ALX1: variants seen among roughly 807,000 people sequenced by gnomAD.
ALX1 encodes the protein ALX homeobox 1.
In ALX1, 19 loss-of-function variants were observed where a neutral mutation model predicts 31.7. The ratio of observed to expected loss-of-function variants is 0.60; its 90% confidence interval spans 0.42 to 0.88. The LOEUF (loss-of-function observed/expected upper bound fraction) is 0.88. ALX1 is among the 40% of genes least tolerant of loss of function. The pLI is 0.00. For missense variants in ALX1, 415 were observed against 407.8 expected, an observed-to-expected ratio of 1.02 and a Z score of -0.15; for synonymous variants, 153 against 148.8, an observed-to-expected ratio of 1.03 and a Z score of -0.20.
chr12:85,291,696 T>C (rs1478274623), intron 3 of ALX1, among the ~76,000 whole-genome samples: 8 of 151,012 alleles, frequency 5.3e-5, no homozygotes, highest in Non-Finnish European at 1.2e-4. Context: ...AAAATGGAAG[T>C]ATTGTTGGTG....
chr12:85,291,319 T>A (rs1198720503), intron 3 of ALX1, among the ~76,000 whole-genome samples: 1 of 151,046 alleles, frequency 6.6e-6, no homozygotes, highest in Non-Finnish European at 1.5e-5. Context: ...GTAGAAAGAC[T>A]AAAAACTGGG....
intron 3 of ALX1, among the ~76,000 whole-genome samples, chr12:85,291,603 G>A (rs1195176308): frequency 2.0e-5 from 3 of 151,118 alleles, no homozygotes; most frequent in Admixed American, 6.6e-5. Context: ...TCTTAGGTTT[G>A]GATTACATGA....
chr12:85,301,101 G>A (rs1298863999), intron 3 of ALX1, 54 bp from the exon 4 acceptor site: 10 of 1,598,450 alleles, frequency 6.3e-6, no homozygotes, highest in Non-Finnish European at 7.7e-6. Context: ...ACAAAAGTAA[G>A]AGAACAAAAG....
chr12:85,280,615 G>A, intron 1 of ALX1, 128 bp downstream of exon 1: 1 of 1,001,708 alleles, frequency 1.0e-6, no homozygotes, highest in South Asian at 1.4e-5. Context: ...GGTGGAGGAA[G>A]GTAGTGGAAG....
chr12:85,288,869 G>A lies in ALX1; in HGVS notation c.660+1888G>A, dbSNP rs1006520101. Among the ~76,000 whole-genome samples, 8 of 151,298 alleles carry A rather than the reference G, an allele frequency of 5.3e-5. No individual in the cohort carries two copies. In the South Asian group the frequency reaches 1.0e-3, roughly 20 times the overall value. ...TTGAGCTGCATTATTGTAAGTCTGC[G>A]CTTTAGTGTCAGGAGCCACAACCAG... On this transcript the variant is annotated intron_variant, in intron 3 of 3. Transcript: ENST00000316824.
At chr12:85,297,918 T>A (rs1246306750) in intron 3 of ALX1, among the ~76,000 whole-genome samples, 1 of 151,688 alleles carries the variant, frequency 6.6e-6, no homozygotes, top group Non-Finnish European at 1.5e-5. Flanking sequence ...GAAACAAAAA[T>A]TTTGATATAT....
chr12:85,284,780 C>CACA (rs1377577889), intron 2 of ALX1, among the ~76,000 whole-genome samples: 2 of 151,944 alleles, frequency 1.3e-5, no homozygotes, highest in Admixed American at 6.6e-5. Flanking sequence ...GGATAATGGC[C>CACA]TTGGTCTTTG....
chr12:85,281,535 A>G (rs1015856280), intron 1 of ALX1, among the ~76,000 whole-genome samples: 5 of 152,246 alleles, frequency 3.3e-5, no homozygotes, highest in African/African-American at 4.8e-5. Context: ...AAAATCTGAC[A>G]AAACACTGGC....
At chr12:85,286,547 G>A (rs1896749103) in intron 2 of ALX1, among the ~76,000 whole-genome samples, 1 of 151,948 alleles carries the variant, frequency 6.6e-6, no homozygotes, top group Admixed American at 6.6e-5. Context: ...GGAGTATTCA[G>A]GATCATATAA....
intron 1 of ALX1, among the ~76,000 whole-genome samples, chr12:85,282,553 A>G (rs530140713): frequency 5.8e-4 from 89 of 152,324 alleles, no homozygotes; most frequent in African/African-American, 2.1e-3. Flanking sequence ...TGAAAAAAGT[A>G]TGATCATCTA....
chr12:85,288,298 A>G (rs761183654), intron 3 of ALX1, among the ~76,000 whole-genome samples: 8 of 151,480 alleles, frequency 5.3e-5, no homozygotes, highest in Non-Finnish European at 1.0e-4. Flanking sequence ...TACCTTTTCA[A>G]TAAATGCCTC....
chr12:85,287,865 C>T (rs1397900124), intron 3 of ALX1, among the ~76,000 whole-genome samples: 1 of 151,358 alleles, frequency 6.6e-6, no homozygotes, highest in African/African-American at 2.4e-5. Flanking sequence ...ATAAGAGACC[C>T]ATGTGAAAAC....
At chr12:85,280,941 G>A (rs1011167420) in intron 1 of ALX1, among the ~76,000 whole-genome samples, 2 of 151,186 alleles carry the variant, frequency 1.3e-5, no homozygotes, top group African/African-American at 4.9e-5. Flanking sequence ...AAAAAAAACC[G>A]GAAAACAAAA....
At chr12:85,289,057 T>C (rs1022917419) in intron 3 of ALX1, among the ~76,000 whole-genome samples, 1 of 151,016 alleles carries the variant, frequency 6.6e-6, no homozygotes, top group African/African-American at 2.4e-5. Flanking sequence ...CTATGACTAC[T>C]TTTTTGTGCA....
intron 1 of ALX1, among the ~76,000 whole-genome samples, chr12:85,283,134 T>C (rs1441200985): frequency 6.6e-6 from 1 of 152,214 alleles, no homozygotes; most frequent in Admixed American, 6.5e-5. Context: ...ACAGAGGTAT[T>C]ATTTAAGATT....
At chr12:85,296,750 A>C (rs1896893707) in intron 3 of ALX1, among the ~76,000 whole-genome samples, 1 of 151,698 alleles carries the variant, frequency 6.6e-6, no homozygotes, top group Non-Finnish European at 1.5e-5. Flanking sequence ...TAAAAAACAC[A>C]CATACAAGAA....
intron 2 of ALX1, among the ~76,000 whole-genome samples, chr12:85,285,105 T>A (rs545752194): frequency 2.6e-5 from 4 of 152,220 alleles, no homozygotes; most frequent in Admixed American, 1.3e-4. Context: ...AAGTTTGAGA[T>A]TTTTGTCTTT....
At chr12:85,299,942 G>A (rs1219238132) in intron 3 of ALX1, among the ~76,000 whole-genome samples, 1 of 151,864 alleles carries the variant, frequency 6.6e-6, no homozygotes, top group African/African-American at 2.4e-5. Flanking sequence ...AACCTGATGT[G>A]ATTAACATGT....
intron 3 of ALX1, among the ~76,000 whole-genome samples, chr12:85,291,932 C>A (rs1440112060): frequency 6.6e-6 from 1 of 150,980 alleles, no homozygotes; most frequent in Non-Finnish European, 1.5e-5. Flanking sequence ...GCTTTTAGAC[C>A]TTTGGCAAAT....
Sources: allele counts gnomAD v4.1 joint callset (sites outside exome capture counted in the v4.1 genomes callset), GRCh38; gene constraint gnomAD v4.1.1; transcripts MANE v1.5; gene names NCBI Gene and HGNC (gene_info 2026-07-23, HGNC 2026-07-21).